The following KIAA1210 variants were observed in gnomAD, a reference collection of about 807,000 sequenced individuals.
The protein encoded by KIAA1210 is KIAA1210.
KIAA1210 carries 48 observed loss-of-function variants against 78.9 expected under a neutral mutation model. That is an observed-to-expected ratio of 0.61 (90% confidence interval 0.48 to 0.77). The LOEUF (loss-of-function observed/expected upper bound fraction) is 0.77, where lower values mean the gene tolerates loss of function less well. KIAA1210 is among the 30% of genes least tolerant of loss of function. The pLI is 0.00. For missense variants in KIAA1210, 1,108 were observed against 1,100.0 expected (o/e 1.01, Z -0.10); for synonymous variants, 406 against 404.5 (o/e 1.00, Z -0.04).
rs1928272782 is a variant in KIAA1210 at position 119,116,553 on chromosome X, C to A, written c.173G>T (p.Ser58Ile). The A allele has an allele frequency of 8.3e-7, 1 of 1,211,505 alleles. No individual in the cohort carries two copies. Among genetic ancestry groups the A allele is most frequent in the East Asian group, 3.0e-5 (1 of 33,868 alleles). The change falls in exon 3 of 12, where the codon AGC (serine) becomes ATC (isoleucine). Residue 58 changes from serine to isoleucine, a missense_variant. Physicochemically the swap from Ser to Ile is moderately radical, Grantham distance 142. Transcript: ENST00000691062. ...EEMLELSLSS[S>I]NINISSLQPV... Reference sequence around the variant, plus strand: ...CTGCAGAGAAGAGATGTTAATGTTGCTGCTGGACAAGCTCAGTTCTAGCAT... The same window carrying A: ...CTGCAGAGAAGAGATGTTAATGTTGATGCTGGACAAGCTCAGTTCTAGCAT...
chrX:119,144,278 G>A (rs1379675389), intron 2 of KIAA1210, among the ~76,000 whole-genome samples: 2 of 112,345 alleles, frequency 1.8e-5, no homozygotes, highest in Non-Finnish European at 3.8e-5. Flanking sequence ...AGGAACTCCC[G>A]GTTTCCTGCT....
intron 2 of KIAA1210, among the ~76,000 whole-genome samples, chrX:119,117,389 G>GATGA (rs1556001944): frequency 9.0e-6 from 1 of 110,785 alleles, no homozygotes; most frequent in African/African-American, 3.3e-5. Flanking sequence ...GTGTGTGTGT[G>GATGA]TGATGATGAT....
chrX:119,121,672 G>T (rs1928461469), intron 2 of KIAA1210, among the ~76,000 whole-genome samples: 1 of 112,805 alleles, frequency 8.9e-6, no homozygotes, highest in Non-Finnish European at 1.9e-5. Flanking sequence ...CAGCCCATCT[G>T]AATTGAAATG....
At chrX:119,110,505 T>C (rs188368439) in intron 3 of KIAA1210, among the ~76,000 whole-genome samples, 2 of 111,426 alleles carry the variant, frequency 1.8e-5, no homozygotes, top group African/African-American at 6.5e-5. Flanking sequence ...ATTAATGCCA[T>C]CCAGAATGGA....
chrX:119,102,598 G>A (rs1047411673), intron 6 of KIAA1210, among the ~76,000 whole-genome samples: 1 of 110,624 alleles, frequency 9.0e-6, no homozygotes, highest in African/African-American at 3.3e-5. Context: ...ATACAATGCT[G>A]GGGAATTATG....
chrX:119,096,807 T>C lies in KIAA1210; in HGVS notation c.649-116A>G, dbSNP rs192694943. 1.1e-3 allele frequency: 577 copies of C among 510,147 alleles called. 2 individuals carry two copies. In the African/African-American group the frequency reaches 0.012, roughly 11 times the overall value. 42.0% of individuals were successfully genotyped at this position (510,147 alleles called of 1,213,427 possible). Reference sequence around the variant, plus strand: ...AGAAGAAATCCTTCATGAACTATTGTCCCCTTTCCTACATTTCCTGTCAAT... The same window carrying C: ...AGAAGAAATCCTTCATGAACTATTGCCCCCTTTCCTACATTTCCTGTCAAT... On this transcript the variant is annotated intron_variant, in intron 6 of 11. Transcript: ENST00000691062.
intron 10 of KIAA1210, among the ~76,000 whole-genome samples, chrX:119,084,735 C>G (rs1204570148): frequency 9.0e-6 from 1 of 111,309 alleles, no homozygotes; most frequent in Non-Finnish European, 1.9e-5. Flanking sequence ...ACCTGTTCCC[C>G]CCAAACCTAT....
chrX:119,116,625 A>G lies in KIAA1210; in HGVS notation c.101T>C (p.Phe34Ser). ...KCKFKALKSF[F>S]VKKKEKEAED... Reference sequence around the variant, plus strand: ...GGCTTCTTTTTCCTTCTTCTTAACAAAAAAGCTCTTAAGGGCTTTAAATTT... The same window carrying G: ...GGCTTCTTTTTCCTTCTTCTTAACAGAAAAGCTCTTAAGGGCTTTAAATTT... Residue 34 changes from phenylalanine (F) to serine (S), a missense_variant, in exon 3 of 12, where the codon TTT (phenylalanine) becomes TCT (serine). Coordinates refer to ENST00000691062, the MANE Select transcript of KIAA1210 (RefSeq NM_001394962.1). 8.3e-7 allele frequency: 1 copy of G among 1,207,285 alleles called. No homozygotes were observed. Among genetic ancestry groups the G allele is most frequent in the Non-Finnish European group, 1.1e-6 (1 of 892,645 alleles).
chrX:119,113,630 A>G (rs1469521758), intron 3 of KIAA1210, among the ~76,000 whole-genome samples: 4 of 112,033 alleles, frequency 3.6e-5, no homozygotes, highest in Non-Finnish European at 7.5e-5. Context: ...ATAGCTGCAC[A>G]TGCTAAAAGG....
At chrX:119,124,154 A>T (rs1928552476) in intron 1 of KIAA1210, among the ~76,000 whole-genome samples, 1 of 111,255 alleles carries the variant, frequency 9.0e-6, no homozygotes, top group African/African-American at 3.3e-5. Context: ...ATGCCACAAC[A>T]CCCAACTAAT....
At chrX:119,089,771 G>T in intron 8 of KIAA1210, 25 bp from the exon 9 acceptor site, 1 of 1,141,112 alleles carries the variant, frequency 8.8e-7, no homozygotes, top group East Asian at 3.0e-5. Flanking sequence ...AATAAGGAAA[G>T]GAGAAATATG....
intron 3 of KIAA1210, among the ~76,000 whole-genome samples, chrX:119,111,601 G>A (rs1928075957): frequency 9.9e-6 from 1 of 101,417 alleles, no homozygotes; most frequent in Admixed American, 1.1e-4. Context: ...ACTGGGGCCT[G>A]TTGTGGGGTG....
At chrX:119,144,049 G>A (rs1425790780) in intron 2 of KIAA1210, among the ~76,000 whole-genome samples, 2 of 112,364 alleles carry the variant, frequency 1.8e-5, no homozygotes, top group Non-Finnish European at 3.8e-5. Context: ...CTGAACCGTT[G>A]GGAAGTATGG....
chrX:119,089,482 G>A lies in KIAA1210; in HGVS notation c.1220C>T (p.Pro407Leu), dbSNP rs1357828106. Residue 407 changes from proline (P) to leucine (L), a missense_variant, in exon 9 of 12, where the codon CCT becomes CTT. Physicochemically the swap from Pro to Leu is moderately conservative, Grantham distance 98. Transcript: ENST00000691062. ...SPTNKTARNV[P>L]FSHLSLEKDN... Reference sequence around the variant, plus strand: ...CTTCTCTAAGGACAAGTGCGAGAAAGGGACATTCCTGGCAGTCTTATTGGT... The same window carrying A: ...CTTCTCTAAGGACAAGTGCGAGAAAAGGACATTCCTGGCAGTCTTATTGGT... 1 of 1,212,043 alleles carries A rather than the reference G, an allele frequency of 8.3e-7. No homozygotes were observed. The highest frequency in any genetic ancestry group is 1.8e-5 in the South Asian group (1 of 57,013).
chrX:119,114,684 G>A (rs183651354), intron 3 of KIAA1210, among the ~76,000 whole-genome samples: 1 of 111,685 alleles, frequency 9.0e-6, no homozygotes, highest in Non-Finnish European at 1.9e-5. Context: ...GCTTAGAAAT[G>A]TCTCTCATTT....
At position 119,088,210 on chromosome X, in the gene KIAA1210, G is replaced by T; in HGVS notation, c.2492C>A (p.Ala831Asp). The change falls in exon 9 of 12, where the codon GCT becomes GAT. Residue 831 changes from alanine (A) to aspartate (D), a missense_variant. Transcript: ENST00000691062. ...CTCCACAGAAATGACTCTCTCAACAGCAATGTCCTCTGAACCTGAGAACAT... is the reference window on the plus strand; with the variant it reads ...CTCCACAGAAATGACTCTCTCAACATCAATGTCCTCTGAACCTGAGAACAT... ...QNMFSGSEDI[A>D]VERVISVEPL... 1 of 1,210,986 alleles carries T rather than the reference G, an allele frequency of 8.3e-7. No individual in the cohort carries two copies. The highest frequency in any genetic ancestry group is 1.1e-6 in the Non-Finnish European group (1 of 894,682).
chrX:119,082,405 G>C (rs745653327), intron 11 of KIAA1210, among the ~76,000 whole-genome samples: 5 of 111,605 alleles, frequency 4.5e-5, no homozygotes, highest in Admixed American at 9.5e-5. Flanking sequence ...GACAAAGATG[G>C]TTCAATAAAA....
chrX:119,087,448 G>T lies in KIAA1210; in HGVS notation c.3254C>A (p.Pro1085His), dbSNP rs755248974. 1.7e-6 allele frequency: 2 copies of T among 1,210,136 alleles called. No individual in the cohort carries two copies. Among genetic ancestry groups the T allele is most frequent in the South Asian group, 1.8e-5 (1 of 56,645 alleles). Residue 1085 changes from proline to histidine, a missense_variant, in exon 9 of 12, where the codon CCT becomes CAT. Physicochemically the swap from Pro to His is moderately conservative, Grantham distance 77. This residue lies in a region of KIAA1210 where 179 missense variants were observed against 174.1 expected (regional missense o/e 1.03). Transcript: ENST00000691062. ...ISSKMLPMKH[P>H]LQSLGRPEDP... Reference sequence around the variant, plus strand: ...TTCAGGCCTCCCCAAGGACTGTAAAGGGTGCTTCATAGGTAGCATCTTTGA... The same window carrying T: ...TTCAGGCCTCCCCAAGGACTGTAAATGGTGCTTCATAGGTAGCATCTTTGA...
chrX:119,079,666 C>T lies in KIAA1210; in HGVS notation c.*1663G>A, dbSNP rs1419499732. On this transcript the variant is annotated 3_prime_UTR_variant, in exon 12 of 12. Coordinates refer to ENST00000691062, the MANE Select transcript of KIAA1210 (RefSeq NM_001394962.1). ...GGAGGCATCAACATTTGCTGGGCCA[C>T]TTGCCCCCTCCCCTCACAGCTGACC... 9.0e-6 allele frequency: 1 copy of T among 111,574 alleles called. No individual in the cohort carries two copies. The highest frequency in any genetic ancestry group is 3.3e-5 in the African/African-American group (1 of 30,656). 9.2% of individuals were successfully genotyped at this position (111,574 alleles called of 1,213,427 possible).
Sources: gnomAD v4.1 joint callset for allele counts (sites outside exome capture counted in the v4.1 genomes callset) on GRCh38, gnomAD v4.1.1 for gene constraint, gnomAD v4.1.1 regional missense constraint, MANE v1.5 for transcripts, NCBI Gene and HGNC (gene_info 2026-07-23, HGNC 2026-07-21) for gene names.